The following BRCA2 variants were observed in gnomAD, a reference collection of about 807,000 sequenced individuals.
BRCA2 encodes breast cancer type 2 susceptibility protein.
A neutral mutation model predicts 276.7 loss-of-function variants in BRCA2; 203 were observed. The observed-to-expected ratio is 0.73, with a 90% confidence interval of 0.65 to 0.82. BRCA2 has a LOEUF of 0.82. Ranked by LOEUF, BRCA2 falls within the 40% of genes least tolerant of loss-of-function variation. The pLI is 0.00. For synonymous variants in BRCA2, 1,289 were observed against 1,338.4 expected, an observed-to-expected ratio of 0.96 and a Z score of 0.81; for missense variants, 3,920 against 3,915.0, an observed-to-expected ratio of 1.00 and a Z score of -0.03.
chr13:32,355,423 A>C, intron 14 of BRCA2, 135 bp downstream of exon 14: 1 of 1,024,536 alleles, frequency 9.8e-7, no homozygotes, highest in Non-Finnish European at 1.4e-6. Flanking sequence ...GATTTTCTAA[A>C]TCCAAAGATT....
chr13:32,361,451 C>A (rs1266627207), intron 16 of BRCA2, among the ~76,000 whole-genome samples: 1 of 151,838 alleles, frequency 6.6e-6, no homozygotes. Context: ...TTGGGAGTTG[C>A]CAAAAAGAAG....
At position 32,319,145 on chromosome 13, in the gene BRCA2, C is replaced by T. The variant is rs80358425; in HGVS notation, c.136C>T (p.Pro46Ser). 8.1e-6 allele frequency: 13 copies of T among 1,613,768 alleles called. No individual in the cohort carries two copies. The African/African-American group carries it at 1.5e-4, about 18-fold the overall frequency. The change falls in exon 3 of 27, where the codon CCT becomes TCT. Residue 46 changes from proline to serine, a missense_variant. Pro to Ser is a moderately conservative substitution (Grantham distance 74). This residue lies in a region of BRCA2 where 3,263 missense variants were observed against 3,156.9 expected (regional missense o/e 1.03). Coordinates refer to ENST00000380152, the MANE Select transcript of BRCA2 (RefSeq NM_000059.4). ...SSEAPPYNSE[P>S]AEESEHKNNN... ...AGAAGCTCCACCCTATAATTCTGAA[C>T]CTGCAGAAGAATCTGAACATAAAAA...
Position 32,336,692 on chromosome 13 carries a change from G to A in BRCA2, c.2337G>A (p.Leu779=), listed in dbSNP as rs80359784. ...LILTPTSKDV[L]SNLVMISRGK... is the part of the protein sequence containing the mutation. ...TAACTCCTACTTCCAAGGATGTTCT[G>A]TCAAACCTAGTCATGATTTCTAGAG... is the stretch of plus-strand genomic sequence containing the variant. The change falls in exon 11 of 27, where the codon CTG becomes CTA. Residue 779 remains leucine, a synonymous_variant. Transcript: ENST00000380152. 3.1e-6 allele frequency: 5 copies of A among 1,613,838 alleles called. No homozygotes were observed. The South Asian group carries it at 3.3e-5, about 11-fold the overall frequency.
chr13:32,376,587 TG>T, intron 20 of BRCA2, 82 bp from the exon 21 acceptor site: 1 of 1,437,838 alleles, frequency 7.0e-7, no homozygotes, highest in Non-Finnish European at 9.7e-7. Context: ...CTCCCTTCTT[TG>T]GGTGTTTTAT....
intron 3 of BRCA2, among the ~76,000 whole-genome samples, chr13:32,322,054 T>C (rs1566217016): frequency 6.6e-6 from 1 of 152,242 alleles, no homozygotes; most frequent in Non-Finnish European, 1.5e-5. Context: ...TTCTATGGAT[T>C]TTGACAAATT....
intron 26 of BRCA2, 77 bp from the exon 27 acceptor site, chr13:32,398,085 C>A (rs779839671): frequency 3.4e-5 from 50 of 1,478,538 alleles, no homozygotes; most frequent in Non-Finnish European, 4.2e-5. Context: ...TAAATATTTT[C>A]AATGAAAAGT....
rs180834316 is a variant in BRCA2 at position 32,362,049 on chromosome 13, G to A, written c.7806-474G>A. Among the ~76,000 whole-genome samples, 278 of 152,198 alleles carry A rather than the reference G, an allele frequency of 1.8e-3. 1 individual carries two copies. Among genetic ancestry groups the A allele is most frequent in the Middle Eastern group, 0.014 (4 of 294 alleles). Reference sequence around the variant, plus strand: ...TGTTTTGTTTTTATATTTTGAGATAGGGTCTCACTCTTGTCCAGGCTGGAG... The same window carrying A: ...TGTTTTGTTTTTATATTTTGAGATAAGGTCTCACTCTTGTCCAGGCTGGAG... On this transcript the variant is annotated intron_variant, in intron 16 of 26. Coordinates refer to ENST00000380152, the MANE Select transcript of BRCA2 (RefSeq NM_000059.4).
In BRCA2 at chr13:32,379,128, G is replaced by A. The variant is rs11571767; in HGVS notation, c.8755-189G>A. On this transcript the variant is annotated intron_variant, in intron 21 of 26. Coordinates refer to ENST00000380152, the MANE Select transcript of BRCA2 (RefSeq NM_000059.4). ...TTATAATTGGAGGATCATTTTTGCC[G>A]TAGGGAAATAGAATTATTAATAGTT... is the stretch of plus-strand genomic sequence containing the variant. Among the ~76,000 whole-genome samples the A allele has an allele frequency of 7.6e-3, 1,153 of 152,228 alleles. 21 individuals carry two copies. Among genetic ancestry groups the A allele is most frequent in the African/African-American group, 0.026 (1,071 of 41,550 alleles).
chr13:32,348,432 A>T (rs1280104002), intron 13 of BRCA2, among the ~76,000 whole-genome samples: 1 of 152,130 alleles, frequency 6.6e-6, no homozygotes. Context: ...CAGGAACCTT[A>T]AATTCATTAG....
At chr13:32,375,576 T>TG (rs1677081965) in intron 20 of BRCA2, among the ~76,000 whole-genome samples, 1 of 151,776 alleles carries the variant, frequency 6.6e-6, no homozygotes, top group South Asian at 2.1e-4. Flanking sequence ...TTTTTTTTTT[T>TG]TGAGATGGAG....
At chr13:32,395,633 C>T (rs2073030688) in intron 25 of BRCA2, among the ~76,000 whole-genome samples, 1 of 152,190 alleles carries the variant, frequency 6.6e-6, no homozygotes, top group Admixed American at 6.6e-5. Context: ...AGACTAGGAA[C>T]TGCTATGCAA....
chr13:32,319,021 G>T (rs2138703167), intron 2 of BRCA2, 56 bp from the exon 3 acceptor site: 1 of 1,603,152 alleles, frequency 6.2e-7, no homozygotes, highest in African/African-American at 1.3e-5. Context: ...ACTGTTCTGG[G>T]TCACAAATTT....
chr13:32,375,563 CTT>C (rs398022219), intron 20 of BRCA2, among the ~76,000 whole-genome samples: 5 of 143,116 alleles, frequency 3.5e-5, no homozygotes, highest in Non-Finnish European at 4.6e-5. Flanking sequence ...AGACATGTTT[CTT>C]TTTTTTTTTT....
chr13:32,388,831 G>A (rs2072979141), intron 24 of BRCA2, among the ~76,000 whole-genome samples: 3 of 152,016 alleles, frequency 2.0e-5, no homozygotes, highest in Admixed American at 2.0e-4. Flanking sequence ...AAATAGTCGG[G>A]TTATAAATTT....
Position 32,361,365 on chromosome 13 carries a change from G to A in BRCA2, c.7806-1158G>A, listed in dbSNP as rs77507256. On this transcript the variant is annotated intron_variant, in intron 16 of 26. Transcript: ENST00000380152. ...AAAAATAGCTCAATAGATTGGTGGA[G>A]TGATATCCTGATTAGAATGCAATTA... 1.8e-4 allele frequency among the ~76,000 whole-genome samples: 28 copies of A among 152,320 alleles called. No homozygotes were observed. The East Asian group carries it at 5.0e-3, about 27-fold the overall frequency.
chr13:32,336,858 C>A lies in BRCA2; in HGVS notation c.2503C>A (p.Pro835Thr), dbSNP rs80358514. The change falls in exon 11 of 27, where the codon CCA (proline) becomes ACA (threonine). Residue 835 changes from proline (P) to threonine (T), a missense_variant. Coordinates refer to ENST00000380152, the MANE Select transcript of BRCA2 (RefSeq NM_000059.4). ...NENYKNVELLPPEKYMRVASP... is the reference protein window; with the variant it reads ...NENYKNVELLTPEKYMRVASP... ...AAATTATAAAAACGTTGAGCTGTTG[C>A]CACCTGAAAAATACATGAGAGTAGC... 6.2e-7 allele frequency: 1 copy of A among 1,609,300 alleles called. No homozygotes were observed.
chr13:32,335,776 A>G (rs138329013), intron 10 of BRCA2, among the ~76,000 whole-genome samples: 72 of 152,308 alleles, frequency 4.7e-4, no homozygotes, highest in African/African-American at 1.7e-3. Flanking sequence ...GAGCTAAAAA[A>G]TGTAATAACT....
In BRCA2 at chr13:32,339,815, C is replaced by T. The variant is rs758869410; in HGVS notation, c.5460C>T (p.Cys1820=). ...AACTTGTGACTAGCTCTTCACCCTG[C>T]AAAAATAAAAATGCAGCCATTAAAT... The part of the protein sequence containing the change: ...VEELVTSSSP[C]KNKNAAIKLS... The change falls in exon 11 of 27, where the codon TGC becomes TGT. Residue 1820 remains cysteine (C), a synonymous_variant. Transcript: ENST00000380152. 6.2e-7 allele frequency: 1 copy of T among 1,613,722 alleles called. No individual in the cohort carries two copies. Among genetic ancestry groups the T allele is most frequent in the Non-Finnish European group, 8.5e-7 (1 of 1,179,788 alleles).
chr13:32,357,701 T>G, intron 15 of BRCA2, 41 bp from the exon 16 acceptor site: 7 of 1,582,736 alleles, frequency 4.4e-6, no homozygotes, highest in Non-Finnish European at 6.1e-6. Flanking sequence ...CATGTTTACT[T>G]TAAATTGTTT....
Sources: allele counts gnomAD v4.1 joint callset (sites outside exome capture counted in the v4.1 genomes callset), GRCh38; gene constraint gnomAD v4.1.1; regional missense constraint gnomAD v4.1.1; transcripts MANE v1.5; gene names NCBI Gene and HGNC (gene_info 2026-07-23, HGNC 2026-07-21).